Variants in WNT3 observed in about 807,000 individuals in gnomAD.
The protein encoded by WNT3 is proto-oncogene Wnt-3.
WNT3 carries 7 observed loss-of-function variants against 34.2 expected under a neutral mutation model. That is an observed-to-expected ratio of 0.20 (90% CI 0.12 to 0.38). The LOEUF (loss-of-function observed/expected upper bound fraction) is 0.38, where lower values mean the gene tolerates loss of function less well. Among genes scored for constraint, WNT3 ranks in the 10% least tolerant of loss-of-function variants. WNT3 has a pLI of 1.00. For synonymous variants in WNT3, 212 were observed against 211.5 expected, an observed-to-expected ratio of 1.00 and a Z score of -0.02; for missense variants, 267 against 499.8, an observed-to-expected ratio of 0.53 and a Z score of 4.44.
intron 1 of WNT3, among the ~76,000 whole-genome samples, chr17:46,800,412 G>A (rs2084109410): frequency 6.6e-6 from 1 of 152,106 alleles, no homozygotes; most frequent in East Asian, 1.9e-4. Flanking sequence ...TGCCTGGCCT[G>A]ATAACAGAAT....
intron 1 of WNT3, among the ~76,000 whole-genome samples, chr17:46,800,753 G>C (rs946415972): frequency 6.6e-6 from 1 of 152,166 alleles, no homozygotes; most frequent in African/African-American, 2.4e-5. Context: ...GGTGGTATGG[G>C]TTGAAAGATG....
At chr17:46,766,404 C>G (rs1244791965) in intron 4 of WNT3, among the ~76,000 whole-genome samples, 1 of 149,346 alleles carries the variant, frequency 6.7e-6, no homozygotes, top group Non-Finnish European at 1.5e-5. Flanking sequence ...GAGACTCAGT[C>G]TCAAAAAAAA....
intron 2 of WNT3, among the ~76,000 whole-genome samples, chr17:46,770,318 TAGAAAC>T (rs1229147848): frequency 6.6e-6 from 1 of 152,222 alleles, no homozygotes; most frequent in African/African-American, 2.4e-5. Flanking sequence ...CAGTGCCTGT[TAGAAAC>T]AGGCGCCGAC....
At chr17:46,808,959 G>C (rs1268590137) in intron 1 of WNT3, among the ~76,000 whole-genome samples, 3 of 152,200 alleles carry the variant, frequency 2.0e-5, no homozygotes, top group Non-Finnish European at 4.4e-5. Flanking sequence ...TACATGACCT[G>C]AGCCAAGTGG....
intron 2 of WNT3, among the ~76,000 whole-genome samples, chr17:46,771,048 C>T (rs1409822543): frequency 2.6e-5 from 4 of 152,206 alleles, no homozygotes; most frequent in Admixed American, 2.0e-4. Context: ...AGAAGCCAGG[C>T]GCCCGCCTCC....
chr17:46,808,513 C>T (rs145633060), intron 1 of WNT3, among the ~76,000 whole-genome samples: 80 of 152,294 alleles, frequency 5.3e-4, no homozygotes, highest in African/African-American at 1.9e-3. Context: ...GCTTTAGGTC[C>T]AACAGGGTGT....
intron 2 of WNT3, among the ~76,000 whole-genome samples, chr17:46,772,136 C>A (rs1239717498): frequency 6.6e-6 from 1 of 152,150 alleles, no homozygotes; most frequent in African/African-American, 2.4e-5. Flanking sequence ...TGGGCGCGAA[C>A]CTGGGTTCAA....
intron 1 of WNT3, among the ~76,000 whole-genome samples, chr17:46,775,071 A>G (rs2059402816): frequency 6.6e-6 from 1 of 152,204 alleles, no homozygotes; most frequent in Admixed American, 6.5e-5. Flanking sequence ...CCCATGGGGC[A>G]GGGTGAGGTT....
chr17:46,806,779 G>A (rs1194456449), intron 1 of WNT3, among the ~76,000 whole-genome samples: 1 of 152,246 alleles, frequency 6.6e-6, no homozygotes, highest in Non-Finnish European at 1.5e-5. Context: ...GCCGGTTAGA[G>A]TTGTGAGGAC....
Position 46,813,042 on chromosome 17 carries a change from G to C in WNT3, c.80+5476C>G, listed in dbSNP as rs1033467511. Among the ~76,000 whole-genome samples the C allele has an allele frequency of 2.6e-5, 4 of 152,252 alleles. No homozygotes were observed. The East Asian group carries it at 7.7e-4, about 29-fold the overall frequency. The stretch of plus-strand genomic sequence containing the variant: ...GCAGATGGCCTGGCTCCAGAAGAGT[G>C]GGAGTGTTTGGGGCGAGGTTTGGAA... On this transcript the variant is annotated intron_variant, in intron 1 of 4. Coordinates refer to ENST00000225512, the MANE Select transcript of WNT3 (RefSeq NM_030753.5).
chr17:46,780,629 A>T (rs185692340), intron 1 of WNT3, among the ~76,000 whole-genome samples: 9 of 152,278 alleles, frequency 5.9e-5, no homozygotes, highest in Non-Finnish European at 1.3e-4. Context: ...ACAAAAAATT[A>T]GCCGGGCGTG....
chr17:46,817,551 C>G (rs1194069021), intron 1 of WNT3, among the ~76,000 whole-genome samples: 1 of 152,204 alleles, frequency 6.6e-6, no homozygotes, highest in South Asian at 2.1e-4. Flanking sequence ...GCGATGGGGC[C>G]GCTCGGAAAA....
chr17:46,770,175 A>G (rs1420104566), intron 2 of WNT3, 127 bp from the exon 3 acceptor site: 3 of 1,298,870 alleles, frequency 2.3e-6, no homozygotes, highest in Non-Finnish European at 3.1e-6. Flanking sequence ...ACCAGCCCTG[A>G]GGCAAGAGGG....
chr17:46,787,927 G>C (rs2059524908), intron 1 of WNT3, among the ~76,000 whole-genome samples: 1 of 149,282 alleles, frequency 6.7e-6, no homozygotes, highest in South Asian at 2.1e-4. Context: ...CTGCACTCCA[G>C]CCTGGGCAAC....
At chr17:46,788,033 C>T (rs1289285754) in intron 1 of WNT3, among the ~76,000 whole-genome samples, 4 of 151,568 alleles carry the variant, frequency 2.6e-5, no homozygotes, top group African/African-American at 9.7e-5. Context: ...CAGTCAGTTG[C>T]AGAGTGTGAG....
At chr17:46,788,700 G>A (rs539898743) in intron 1 of WNT3, among the ~76,000 whole-genome samples, 21 of 152,292 alleles carry the variant, frequency 1.4e-4, no homozygotes, top group East Asian at 1.2e-3. Flanking sequence ...TCGTTTCCAT[G>A]TAGAATCTAG....
chr17:46,771,290 T>C (rs991619789), intron 2 of WNT3, among the ~76,000 whole-genome samples: 12 of 152,048 alleles, frequency 7.9e-5, no homozygotes, highest in African/African-American at 2.7e-4. Context: ...CCGCGTCCAG[T>C]TGTGCTCCCG....
At chr17:46,783,385 C>T (rs2059478170) in intron 1 of WNT3, among the ~76,000 whole-genome samples, 1 of 152,224 alleles carries the variant, frequency 6.6e-6, no homozygotes, top group Non-Finnish European at 1.5e-5. Context: ...TCATTCACTG[C>T]CTATTCACTC....
At chr17:46,802,732 C>T (rs949808875) in intron 1 of WNT3, among the ~76,000 whole-genome samples, 4 of 152,186 alleles carry the variant, frequency 2.6e-5, no homozygotes, top group East Asian at 1.9e-4. Flanking sequence ...CAAGTGCTTC[C>T]GGATAGCGGA....
Sources: allele counts gnomAD v4.1 joint callset (sites outside exome capture counted in the v4.1 genomes callset), GRCh38; gene constraint gnomAD v4.1.1; transcripts MANE v1.5; gene names NCBI Gene and HGNC (gene_info 2026-07-23, HGNC 2026-07-21).